Variants in TBL1XR1 observed in about 807,000 individuals in gnomAD.
TBL1XR1 encodes TBL1X/Y related 1.
Under a neutral mutation model 66.9 loss-of-function variants are expected in TBL1XR1, and 5 were observed. That is an observed-to-expected ratio of 0.07 (90% CI 0.04 to 0.16). The LOEUF (loss-of-function observed/expected upper bound fraction) is 0.16, where lower values mean the gene tolerates loss of function less well. Ranked by LOEUF, TBL1XR1 falls within the 10% of genes least tolerant of loss-of-function variation. The probability of loss-of-function intolerance (pLI) is 1.00; values close to 1 mark genes in which losing one functional copy is unlikely to be tolerated. For missense variants in TBL1XR1, 238 were observed against 623.2 expected (o/e 0.38, Z 6.58); for synonymous variants, 210 against 206.0 (o/e 1.02, Z -0.17).
intron 1 of TBL1XR1, among the ~76,000 whole-genome samples, chr3:177,144,223 G>A (rs940539758): frequency 2.0e-5 from 3 of 151,856 alleles, no homozygotes; most frequent in Non-Finnish European, 4.4e-5. Flanking sequence ...TCCAGCCTGG[G>A]AAACAAGAGC....
intron 1 of TBL1XR1, among the ~76,000 whole-genome samples, chr3:177,179,997 T>C (rs1443190880): frequency 6.6e-6 from 1 of 152,090 alleles, no homozygotes; most frequent in African/African-American, 2.4e-5. Flanking sequence ...CCCAGCACTT[T>C]GGGAGGCCAA....
At chr3:177,073,029 A>G (rs1245223469) in intron 2 of TBL1XR1, among the ~76,000 whole-genome samples, 2 of 152,188 alleles carry the variant, frequency 1.3e-5, no homozygotes, top group South Asian at 2.1e-4. Flanking sequence ...GGACCACTGC[A>G]CTCCAACCTG....
intron 4 of TBL1XR1, among the ~76,000 whole-genome samples, chr3:177,053,328 G>A (rs574638505): frequency 4.6e-5 from 7 of 152,094 alleles, no homozygotes; most frequent in Admixed American, 2.0e-4. Context: ...GGAGCATTTG[G>A]CTAATGGGCC....
intron 1 of TBL1XR1, among the ~76,000 whole-genome samples, chr3:177,112,099 A>G (rs1448781171): frequency 6.1e-5 from 3 of 49,226 alleles, no homozygotes; most frequent in Non-Finnish European, 1.1e-4. Context: ...ATATATATAT[A>G]TATATATATT....
chr3:177,119,853 T>C (rs912382810), intron 1 of TBL1XR1, among the ~76,000 whole-genome samples: 2 of 152,212 alleles, frequency 1.3e-5, no homozygotes, highest in Non-Finnish European at 2.9e-5. Context: ...TTCTACATGG[T>C]CATTTTATTG....
intron 1 of TBL1XR1, among the ~76,000 whole-genome samples, chr3:177,108,777 CAAAG>C (rs988657744): frequency 7.2e-5 from 11 of 151,916 alleles, no homozygotes; most frequent in African/African-American, 2.7e-4. Context: ...ATGCAAACAA[CAAAG>C]AAACAGACAA....
At chr3:177,194,166 G>C (rs762514022) in intron 1 of TBL1XR1, 2 of 152,162 alleles carry the variant, frequency 1.3e-5, no homozygotes, top group Non-Finnish European at 1.5e-5. Flanking sequence ...CAGAGCAGGA[G>C]ATACCACCTT....
intron 1 of TBL1XR1, among the ~76,000 whole-genome samples, chr3:177,135,307 C>CTGTCTGTGTGTGTGTG (rs1553852678): frequency 0.092 from 6,450 of 70,386 alleles, 1,445 homozygotes; most frequent in Non-Finnish European, 0.13. Context: ...AGGCCGCACT[C>CTGTCTGTGTGTGTGTG]TGTGTGTGTG....
At chr3:177,033,339 G>A (rs1156273178) in intron 13 of TBL1XR1, among the ~76,000 whole-genome samples, 1 of 152,036 alleles carries the variant, frequency 6.6e-6, no homozygotes, top group Non-Finnish European at 1.5e-5. Flanking sequence ...TTAGAAAGAA[G>A]AGCAAGTGTT....
At chr3:177,198,312 T>G (rs540070741), upstream of TBL1XR1, among the ~76,000 whole-genome samples, 7 of 152,298 alleles carry the variant, frequency 4.6e-5, no homozygotes, top group East Asian at 1.4e-3. Flanking sequence ...ATGGTGGTAT[T>G]TATCATCTGG....
intron 1 of TBL1XR1, among the ~76,000 whole-genome samples, chr3:177,110,486 G>T (rs1577196378): frequency 6.6e-6 from 1 of 152,032 alleles, no homozygotes; most frequent in East Asian, 1.9e-4. Flanking sequence ...AGAACACCTG[G>T]TCTTGGTTTT....
intron 1 of TBL1XR1, among the ~76,000 whole-genome samples, chr3:177,119,246 T>TA (rs1257632052): frequency 1.3e-5 from 2 of 152,180 alleles, no homozygotes; most frequent in African/African-American, 4.8e-5. Flanking sequence ...GTGCTGGGAT[T>TA]ACAGGCGTGA....
intron 1 of TBL1XR1, among the ~76,000 whole-genome samples, chr3:177,100,729 A>G (rs1724094887): frequency 6.6e-6 from 1 of 151,966 alleles, no homozygotes; most frequent in African/African-American, 2.4e-5. Context: ...TGGGCCAAAT[A>G]ATCTACATTT....
intron 2 of TBL1XR1, among the ~76,000 whole-genome samples, chr3:177,094,570 C>A (rs1017702757): frequency 6.6e-6 from 1 of 152,138 alleles, no homozygotes; most frequent in Non-Finnish European, 1.5e-5. Flanking sequence ...ATGGAACCAG[C>A]CCATCAGTCA....
At position 177,043,550 on chromosome 3, in the gene TBL1XR1, T is replaced by G. The variant is rs75568979; in HGVS notation, c.925+2579A>C. ...CACTTGATTAGTGATAGCATGGTAT[T>G]TATTTTTACATCATTTTATTTTCAG... On this transcript the variant is annotated intron_variant, in intron 10 of 15. Transcript: ENST00000457928. 1.1e-3 allele frequency among the ~76,000 whole-genome samples: 166 copies of G among 152,276 alleles called. 4 individuals carry two copies. The East Asian group carries it at 0.032, about 29-fold the overall frequency.
chr3:177,150,489 G>T (rs1345065175), intron 1 of TBL1XR1, among the ~76,000 whole-genome samples: 1 of 152,212 alleles, frequency 6.6e-6, no homozygotes. Context: ...AAACTGACCA[G>T]TGTCTAATCC....
At chr3:177,146,356 G>A (rs139597494) in intron 1 of TBL1XR1, among the ~76,000 whole-genome samples, 1,700 of 151,626 alleles carry the variant, frequency 0.011, 19 homozygotes, top group Non-Finnish European at 0.013. Context: ...GCGTGATCTC[G>A]GCTCACTGCA....
intron 1 of TBL1XR1, among the ~76,000 whole-genome samples, chr3:177,187,813 G>A (rs774061269): frequency 2.5e-4 from 37 of 145,620 alleles, no homozygotes; most frequent in South Asian, 4.3e-4. Flanking sequence ...ACAAAATACC[G>A]AAGATATCAA....
chr3:177,092,892 CCAA>C, intron 2 of TBL1XR1, among the ~76,000 whole-genome samples: 1 of 152,158 alleles, frequency 6.6e-6, no homozygotes, highest in South Asian at 2.1e-4. Context: ...CAAATGTCTA[CCAA>C]CAGATGAATG....
Sources: gnomAD v4.1 joint callset for allele counts (sites outside exome capture counted in the v4.1 genomes callset) on GRCh38, gnomAD v4.1.1 for gene constraint, MANE v1.5 for transcripts, NCBI Gene and HGNC (gene_info 2026-07-23, HGNC 2026-07-21) for gene names.